PAN3: variants seen among roughly 807,000 people sequenced by gnomAD.
The protein encoded by PAN3 is poly(A) specific ribonuclease subunit PAN3.
Under a neutral mutation model 96.2 loss-of-function variants are expected in PAN3, and 19 were observed. The ratio of observed to expected loss-of-function variants is 0.20; its 90% CI spans 0.14 to 0.29. The LOEUF (loss-of-function observed/expected upper bound fraction) is 0.29. Ranked by LOEUF, PAN3 falls within the 10% of genes least tolerant of loss-of-function variation. PAN3 has a pLI of 1.00. For synonymous variants in PAN3, 433 were observed against 406.6 expected (o/e 1.06, Z -0.78); for missense variants, 882 against 1,108.1 (o/e 0.80, Z 2.90).
At chr13:28,227,201 C>T (rs961533477) in intron 6 of PAN3, among the ~76,000 whole-genome samples, 26 of 152,088 alleles carry the variant, frequency 1.7e-4, no homozygotes, top group African/African-American at 5.1e-4. Flanking sequence ...ACGTTTATGG[C>T]GCAGAGAGGG....
intron 1 of PAN3, 81 bp downstream of exon 1, chr13:28,139,168 T>A: frequency 8.1e-7 from 1 of 1,231,850 alleles, no homozygotes; most frequent in Non-Finnish European, 1.0e-6. Context: ...CGACGGGAGC[T>A]GAGCACGGCC....
chr13:28,257,838 A>G (rs1182995771), intron 7 of PAN3, among the ~76,000 whole-genome samples: 1 of 147,284 alleles, frequency 6.8e-6, no homozygotes, highest in African/African-American at 2.5e-5. Flanking sequence ...TTTGAGATGG[A>G]TGTTCGCTAT....
chr13:28,198,709 C>T (rs1203286538), intron 5 of PAN3, among the ~76,000 whole-genome samples: 1 of 152,150 alleles, frequency 6.6e-6, no homozygotes, highest in African/African-American at 2.4e-5. Context: ...TCTTTACTCC[C>T]AAACTTGCAT....
chr13:28,267,465 T>G, intron 12 of PAN3, 64 bp downstream of exon 12: 1 of 1,322,834 alleles, frequency 7.6e-7, no homozygotes, highest in Non-Finnish European at 1.1e-6. Flanking sequence ...AAGAGTAGTT[T>G]TCTATTTTAA....
chr13:28,233,042 C>G (rs1299423581), intron 6 of PAN3, among the ~76,000 whole-genome samples: 13 of 151,872 alleles, frequency 8.6e-5, no homozygotes. Flanking sequence ...AATAGATATC[C>G]AGCATGCAGA....
chr13:28,187,283 C>T (rs1365827068), intron 4 of PAN3, among the ~76,000 whole-genome samples: 1 of 152,140 alleles, frequency 6.6e-6, no homozygotes, highest in Non-Finnish European at 1.5e-5. Flanking sequence ...GCCGTGTTTG[C>T]ACCACTTCAC....
At chr13:28,273,050 G>T (rs1886762415) in intron 14 of PAN3, among the ~76,000 whole-genome samples, 2 of 152,036 alleles carry the variant, frequency 1.3e-5, no homozygotes, top group South Asian at 4.1e-4. Flanking sequence ...TAGAACACTT[G>T]TCTGACTACC....
At position 28,166,596 on chromosome 13, in the gene PAN3, A is replaced by C. The variant is rs1239371442; in HGVS notation, c.431-7676A>C. On this transcript the variant is annotated intron_variant, in intron 1 of 18. Coordinates refer to ENST00000380958, the MANE Select transcript of PAN3 (RefSeq NM_175854.8). ...TCTTGCCTTCACAACTTCACTAGAC[A>C]TAACCCTGGTAAAAGCTCTCTGCTG... is the stretch of plus-strand genomic sequence containing the variant. Among the ~76,000 whole-genome samples the C allele has an allele frequency of 2.0e-5, 3 of 152,310 alleles. No individual in the cohort carries two copies. In the East Asian group the frequency reaches 5.8e-4, roughly 29 times the overall value.
At chr13:28,260,090 C>A in intron 7 of PAN3, among the ~76,000 whole-genome samples, 1 of 151,874 alleles carries the variant, frequency 6.6e-6, no homozygotes, top group Non-Finnish European at 1.5e-5. Context: ...AATAATAAAG[C>A]TTATTGATTA....
Position 28,139,329 on chromosome 13 carries a change from C to T in PAN3, c.430+242C>T, listed in dbSNP as rs926632604. Among the ~76,000 whole-genome samples the T allele has an allele frequency of 4.9e-4, 17 of 34,674 alleles. No individual in the cohort carries two copies. The Admixed American group carries it at 7.6e-3, about 16-fold the overall frequency. The allele number at this position is 34,674 out of a possible 152,430, so 22.7% of individuals were successfully genotyped here. A position where few individuals can be genotyped will look rare whatever the true frequency, so the allele number is the denominator to read the frequency against. On this transcript the variant is annotated intron_variant, in intron 1 of 18. Transcript: ENST00000380958. ...GTTCCCGGGAACGTGGGTGGGAGGA[C>T]TGGGGTGATGTGAAGGGGGGGCGGG...
At chr13:28,165,390 T>C (rs1318207121) in intron 1 of PAN3, among the ~76,000 whole-genome samples, 1 of 151,414 alleles carries the variant, frequency 6.6e-6, no homozygotes, top group Non-Finnish European at 1.5e-5. Context: ...CCCAAAGTGC[T>C]GGGATTACAG....
chr13:28,198,957 G>A (rs1335638158), intron 5 of PAN3, among the ~76,000 whole-genome samples: 1 of 152,138 alleles, frequency 6.6e-6, no homozygotes, highest in African/African-American at 2.4e-5. Context: ...ATTTGCTCCA[G>A]CTGATATTTT....
intron 6 of PAN3, among the ~76,000 whole-genome samples, chr13:28,254,821 T>A (rs1451746591): frequency 6.6e-6 from 1 of 152,142 alleles, no homozygotes; most frequent in Non-Finnish European, 1.5e-5. Flanking sequence ...TTATAGTAAG[T>A]AGGAGTACTA....
intron 5 of PAN3, among the ~76,000 whole-genome samples, chr13:28,204,617 C>T (rs1379920007): frequency 2.6e-5 from 4 of 152,174 alleles, no homozygotes; most frequent in Non-Finnish European, 5.9e-5. Flanking sequence ...TAAATGCTAA[C>T]TCACTTGAAT....
chr13:28,210,678 G>A (rs1879923839), intron 5 of PAN3, among the ~76,000 whole-genome samples: 1 of 151,680 alleles, frequency 6.6e-6, no homozygotes, highest in South Asian at 2.1e-4. Flanking sequence ...AGTATATTTT[G>A]ATAATACATT....
At chr13:28,173,632 G>T (rs1214464445) in intron 1 of PAN3, among the ~76,000 whole-genome samples, 1 of 152,194 alleles carries the variant, frequency 6.6e-6, no homozygotes. Flanking sequence ...CCTACTTGCG[G>T]CCCATCTTAT....
intron 14 of PAN3, among the ~76,000 whole-genome samples, chr13:28,275,202 A>AG: frequency 6.6e-6 from 1 of 152,274 alleles, no homozygotes; most frequent in East Asian, 1.9e-4. Context: ...GTTTAAAAAA[A>AG]CAACTCTAAT....
intron 1 of PAN3, among the ~76,000 whole-genome samples, chr13:28,158,879 G>GAA (rs373914232): frequency 2.9e-5 from 3 of 105,122 alleles, no homozygotes; most frequent in East Asian, 2.8e-4. Context: ...CTCCATCTCA[G>GAA]AAAAAAAAAA....
intron 6 of PAN3, among the ~76,000 whole-genome samples, chr13:28,224,034 A>G (rs1881725117): frequency 6.6e-6 from 1 of 151,386 alleles, no homozygotes; most frequent in Admixed American, 6.6e-5. Context: ...GCGCCCGGCT[A>G]ATTTTTTTTT....
Sources: allele counts gnomAD v4.1 joint callset (sites outside exome capture counted in the v4.1 genomes callset), GRCh38; gene constraint gnomAD v4.1.1; transcripts MANE v1.5; gene names NCBI Gene and HGNC (gene_info 2026-07-23, HGNC 2026-07-21).